Variants in DIS3L observed in about 807,000 individuals in gnomAD.
The protein encoded by DIS3L is DIS3-like exonuclease 1.
In DIS3L, 100 loss-of-function variants were observed where a neutral mutation model predicts 120.3. The ratio of observed to expected loss-of-function variants is 0.83; its 90% CI spans 0.71 to 0.98. The LOEUF is 0.98. Ranked by LOEUF, DIS3L falls within the 50% of genes least tolerant of loss-of-function variation. DIS3L has a pLI of 0.00. For synonymous variants in DIS3L, 426 were observed against 470.6 expected (o/e 0.91, Z 1.23); for missense variants, 1,196 against 1,314.2 (o/e 0.91, Z 1.39).
At chr15:66,332,691 C>G in intron 15 of DIS3L, 45 bp from the exon 16 acceptor site, 1 of 1,527,092 alleles carries the variant, frequency 6.5e-7, no homozygotes. Context: ...GATCTGTGTA[C>G]TAAGAATACA....
intron 12 of DIS3L, among the ~76,000 whole-genome samples, chr15:66,327,669 G>A (rs373902238): frequency 1.1e-4 from 16 of 152,214 alleles, no homozygotes; most frequent in Admixed American, 2.6e-4. Context: ...GCATGAACCC[G>A]GGAGGCGGAG....
chr15:66,297,565 A>T (rs1032800036), intron 2 of DIS3L, among the ~76,000 whole-genome samples: 51 of 152,214 alleles, frequency 3.4e-4, no homozygotes, highest in Admixed American at 3.3e-3. Context: ...TTTTTTGGTG[A>T]TAATTAACTT....
At chr15:66,332,674 C>G (rs907433791) in intron 15 of DIS3L, 62 bp from the exon 16 acceptor site, 1 of 1,409,198 alleles carries the variant, frequency 7.1e-7, no homozygotes, top group African/African-American at 1.4e-5. Context: ...TCTAGATAAG[C>G]ATACAAGATC....
At position 66,322,720 on chromosome 15, in the gene DIS3L, C is replaced by T. The variant is rs1442595418; in HGVS notation, c.1360C>T (p.Pro454Ser). 1.2e-6 allele frequency: 2 copies of T among 1,614,062 alleles called. No homozygotes were observed. Among genetic ancestry groups the T allele is most frequent in the Admixed American group, 1.7e-5 (1 of 60,000 alleles). The change falls in exon 10 of 17, where the codon CCC becomes TCC. Residue 454 changes from proline (P) to serine (S), a missense_variant. Physicochemically the swap from Pro to Ser is moderately conservative, Grantham distance 74. Coordinates refer to ENST00000319212, the MANE Select transcript of DIS3L (RefSeq NM_001143688.3). Reference sequence around the variant, plus strand: ...GATGCCAGTAAACACACCAGAAAGTCCCTGGAAGGTGAGTCCTGAAGAGGA... The same window carrying T: ...GATGCCAGTAAACACACCAGAAAGTTCCTGGAAGGTGAGTCCTGAAGAGGA... ...CEMPVNTPESPWKVSPEEEQK... is the reference protein window; with the variant it reads ...CEMPVNTPESSWKVSPEEEQK...
chr15:66,325,887 T>C lies in DIS3L; in HGVS notation c.1724T>C (p.Val575Ala). 6.2e-7 allele frequency: 1 copy of C among 1,613,632 alleles called. No homozygotes were observed. The highest frequency in any genetic ancestry group is 8.5e-7 in the Non-Finnish European group (1 of 1,179,558). ...AAAGCCTCTTATGAAATTAAGAAAG[T>C]GTGGTATGGCAGAACCATTATTCGA... is the stretch of plus-strand genomic sequence containing the variant. ...LDKASYEIKK[V>A]WYGRTIIRSA... The change falls in exon 12 of 17, where the codon GTG (valine) becomes GCG (alanine). Residue 575 changes from valine to alanine, a missense_variant. Coordinates refer to ENST00000319212, the MANE Select transcript of DIS3L (RefSeq NM_001143688.3).
At chr15:66,320,210 C>T (rs947094676) in intron 8 of DIS3L, among the ~76,000 whole-genome samples, 7 of 152,056 alleles carry the variant, frequency 4.6e-5, no homozygotes, top group African/African-American at 1.7e-4. Context: ...TGTTTTAAAA[C>T]TTAATTTGGA....
rs1226743037 is a variant in DIS3L, at chr15:66,323,576, G to GC, written c.1659dup (p.Val554ArgfsTer2). 2.5e-6 allele frequency: 4 copies of GC among 1,614,206 alleles called. No individual in the cohort carries two copies. The highest frequency in any genetic ancestry group is 1.7e-5 in the Admixed American group (1 of 60,016). On this transcript the variant is annotated frameshift_variant, in exon 11 of 17. Transcript: ENST00000319212. LOFTEE classifies it high-confidence loss of function. ...GCAGATTTGTGTTCCCTTCTGGGAG[G>GC]CGTTGATAGGTGAGTTTATGGCTTT...
rs878996832 is a variant in DIS3L at position 66,328,886 on chromosome 15, C to T, written c.2202-84C>T. 31 of 1,484,012 alleles carry T rather than the reference C, an allele frequency of 2.1e-5. No individual in the cohort carries two copies. In the South Asian group the frequency reaches 2.8e-4, roughly 13 times the overall value. 91.9% of individuals were successfully genotyped at this position (1,484,012 alleles called of 1,614,324 possible). A position where few individuals can be genotyped will look rare whatever the true frequency, so the allele number is the denominator to read the frequency against. On this transcript the variant is annotated intron_variant, in intron 12 of 16. Transcript: ENST00000319212. Reference sequence around the variant, plus strand: ...TTACTGGCAGATGAAGGTATTCAGACGGATGAGTGAAGGGTTCCCCTCAAA... The same window carrying T: ...TTACTGGCAGATGAAGGTATTCAGATGGATGAGTGAAGGGTTCCCCTCAAA...
intron 8 of DIS3L, among the ~76,000 whole-genome samples, chr15:66,320,339 G>T (rs1406020079): frequency 1.3e-5 from 2 of 151,944 alleles, no homozygotes; most frequent in African/African-American, 4.8e-5. Flanking sequence ...CTTCATTGAT[G>T]TAGAGAGGTA....
Position 66,309,094 on chromosome 15 carries a change from A to ATATATATATATATATATATATAT in DIS3L, c.558+250_558+251insTATATATATATATATATATATAT, listed in dbSNP as rs1555401896. ...CTTGTCTCTACAGAAAAAAAAAAAA[A>ATATATATATATATATATATATAT]ATATATATATCTCCAAGCATGGTGG... On this transcript the variant is annotated intron_variant, in intron 4 of 16. Transcript: ENST00000319212. Among the ~76,000 whole-genome samples, 2 of 15,316 alleles carry ATATATATATATATATATATATAT rather than the reference A, an allele frequency of 1.3e-4. 1 individual carries two copies. The highest frequency in any genetic ancestry group is 3.9e-4 in the African/African-American group (2 of 5,124). 10.0% of individuals were successfully genotyped at this position (15,316 alleles called of 152,430 possible). A position where few individuals can be genotyped will look rare whatever the true frequency, so the allele number is the denominator to read the frequency against.
At chr15:66,304,994 AT>A (rs1595722641) in intron 2 of DIS3L, among the ~76,000 whole-genome samples, 1 of 138,788 alleles carries the variant, frequency 7.2e-6, no homozygotes, top group South Asian at 2.3e-4. Context: ...AATAAAATCG[AT>A]TTCTTTTTTT....
rs781178495 is a variant in DIS3L at position 66,325,996 on chromosome 15, A to C, written c.1833A>C (p.Lys611Asn). Reference protein sequence around the residue: ...LSVVDDIPEFKDLDEKSRQAK... With the variant: ...LSVVDDIPEFNDLDEKSRQAK... Reference sequence around the variant, plus strand: ...TTGTTGATGATATTCCAGAATTCAAAGACTTGGATGAGAAGAGCAGACAAG... The same window carrying C: ...TTGTTGATGATATTCCAGAATTCAACGACTTGGATGAGAAGAGCAGACAAG... The change falls in exon 12 of 17, where the codon AAA (lysine) becomes AAC (asparagine). Residue 611 changes from lysine to asparagine, a missense_variant. Lys to Asn is a moderately conservative substitution (Grantham distance 94, BLOSUM62 0). Coordinates refer to ENST00000319212, the MANE Select transcript of DIS3L (RefSeq NM_001143688.3). 6.2e-7 allele frequency: 1 copy of C among 1,614,198 alleles called. No individual in the cohort carries two copies. The highest frequency in any genetic ancestry group is 8.5e-7 in the Non-Finnish European group (1 of 1,180,032).
At chr15:66,293,458 T>A (rs977792776), upstream of DIS3L, 3 of 1,216,920 alleles carry the variant, frequency 2.5e-6, no homozygotes, top group Non-Finnish European at 3.1e-6. Flanking sequence ...GCCTGGAGCG[T>A]GTAGCTCCGG....
At position 66,294,288 on chromosome 15, in the gene DIS3L, T is replaced by G. The variant is rs1451356312; in HGVS notation, c.139+553T>G. On this transcript the variant is annotated intron_variant, in intron 1 of 16. Coordinates refer to ENST00000319212, the MANE Select transcript of DIS3L (RefSeq NM_001143688.3). Reference sequence around the variant, plus strand: ...ACTGGAGCGGAAGGTCACGGGGAAGTTGGACTGGGGACTCCTGGGCCCCAG... The same window carrying G: ...ACTGGAGCGGAAGGTCACGGGGAAGGTGGACTGGGGACTCCTGGGCCCCAG... 7 of 985,334 alleles carry G rather than the reference T, an allele frequency of 7.1e-6. No individual in the cohort carries two copies. In the African/African-American group the frequency reaches 1.0e-4, roughly 15 times the overall value. The allele number at this position is 985,334 out of a possible 1,614,324, so 61.0% of individuals were successfully genotyped here.
chr15:66,318,762 C>T, intron 8 of DIS3L, 144 bp downstream of exon 8: 1 of 925,586 alleles, frequency 1.1e-6, no homozygotes, highest in Non-Finnish European at 1.6e-6. Flanking sequence ...TTCCAAGATA[C>T]TGGGATGTGT....
chr15:66,323,417 T>C, intron 10 of DIS3L, 76 bp from the exon 11 acceptor site: 1 of 1,486,460 alleles, frequency 6.7e-7, no homozygotes, highest in Non-Finnish European at 9.3e-7. Context: ...GCCATTTACC[T>C]CCCTGCGGCC....
chr15:66,320,811 G>T, intron 9 of DIS3L, 79 bp downstream of exon 9: 1 of 1,527,712 alleles, frequency 6.5e-7, no homozygotes, highest in Non-Finnish European at 8.8e-7. Context: ...AGAAAGAAAA[G>T]TCTTTGTGCT....
intron 2 of DIS3L, among the ~76,000 whole-genome samples, chr15:66,302,467 G>A (rs2092658557): frequency 6.6e-6 from 1 of 152,186 alleles, no homozygotes; most frequent in South Asian, 2.1e-4. Context: ...ACGGGGCTCT[G>A]GAAATGTCAG....
chr15:66,307,597 C>G (rs962607522), intron 3 of DIS3L, among the ~76,000 whole-genome samples: 2 of 152,176 alleles, frequency 1.3e-5, no homozygotes, highest in Admixed American at 1.3e-4. Context: ...CCACTGTGCC[C>G]GGCCAGGCTC....
Sources: gnomAD v4.1 joint callset for allele counts (sites outside exome capture counted in the v4.1 genomes callset) on GRCh38, gnomAD v4.1.1 for gene constraint, MANE v1.5 for transcripts, NCBI Gene and HGNC (gene_info 2026-07-23, HGNC 2026-07-21) for gene names.